Variants in NELL2 observed in about 807,000 individuals in gnomAD.
The protein encoded by NELL2 is protein kinase C-binding protein NELL2.
In NELL2, 41 loss-of-function variants were observed where a neutral mutation model predicts 109.6. The observed-to-expected ratio is 0.37, with a 90% CI of 0.29 to 0.49. The LOEUF (loss-of-function observed/expected upper bound fraction) is 0.49, where lower values mean the gene tolerates loss of function less well. Ranked by LOEUF, NELL2 falls within the 20% of genes least tolerant of loss-of-function variation. NELL2 has a pLI of 0.98. For missense variants in NELL2, 900 were observed against 1,008.3 expected (o/e 0.89, Z 1.45); for synonymous variants, 355 against 344.7 (o/e 1.03, Z -0.33).
At chr12:44,644,266 A>G (rs1286388886) in intron 13 of NELL2, among the ~76,000 whole-genome samples, 1 of 152,082 alleles carries the variant, frequency 6.6e-6, no homozygotes, top group Non-Finnish European at 1.5e-5. Flanking sequence ...GTAAGGTGCT[A>G]GCAGGACTGA....
intron 3 of NELL2, among the ~76,000 whole-genome samples, chr12:44,805,819 T>C (rs1208940284): frequency 2.6e-5 from 4 of 151,828 alleles, no homozygotes; most frequent in African/African-American, 9.7e-5. Flanking sequence ...ATTCCCTCAC[T>C]AGAGTAACAC....
At chr12:44,846,931 A>T (rs1944389181) in intron 2 of NELL2, among the ~76,000 whole-genome samples, 1 of 152,242 alleles carries the variant, frequency 6.6e-6, no homozygotes, top group Admixed American at 6.5e-5. Flanking sequence ...TTCATAAACA[A>T]TAATGTTCCG....
chr12:44,764,857 A>G (rs1258166520), intron 9 of NELL2, among the ~76,000 whole-genome samples: 1 of 151,254 alleles, frequency 6.6e-6, no homozygotes, highest in Non-Finnish European at 1.5e-5. Context: ...AGAGAGAGAG[A>G]GAAAAAAAAA....
At chr12:44,774,925 T>A in intron 8 of NELL2, 76 bp from the exon 9 acceptor site, 1 of 1,121,848 alleles carries the variant, frequency 8.9e-7, no homozygotes, top group Non-Finnish European at 1.3e-6. Context: ...ATTCATTCCT[T>A]AAATTTTAAA....
intron 9 of NELL2, among the ~76,000 whole-genome samples, chr12:44,735,261 T>C (rs1392831722): frequency 2.6e-5 from 4 of 152,192 alleles, no homozygotes; most frequent in African/African-American, 9.6e-5. Flanking sequence ...CCAGTTTTCA[T>C]CCTACAGTTT....
chr12:44,555,657 G>A (rs955773275), intron 15 of NELL2, among the ~76,000 whole-genome samples: 3 of 152,092 alleles, frequency 2.0e-5, no homozygotes, highest in African/African-American at 7.2e-5. Context: ...ATTAAAAGTT[G>A]CAGAGACCAG....
At chr12:44,669,124 G>C (rs1309565247) in intron 12 of NELL2, among the ~76,000 whole-genome samples, 1 of 152,186 alleles carries the variant, frequency 6.6e-6, no homozygotes, top group Non-Finnish European at 1.5e-5. Context: ...GGAACTCATA[G>C]ATACCAATGA....
At chr12:44,586,648 T>C (rs1052761092) in intron 15 of NELL2, among the ~76,000 whole-genome samples, 1 of 152,194 alleles carries the variant, frequency 6.6e-6, no homozygotes, top group Non-Finnish European at 1.5e-5. Context: ...ATTTCCTCTC[T>C]TATAAAACAG....
At chr12:44,775,676 A>G (rs910164038) in intron 8 of NELL2, among the ~76,000 whole-genome samples, 3 of 152,198 alleles carry the variant, frequency 2.0e-5, no homozygotes, top group Non-Finnish European at 2.9e-5. Context: ...TAGTTTCATG[A>G]AAATGCATTC....
intron 1 of NELL2, among the ~76,000 whole-genome samples, chr12:44,912,018 G>A (rs1265181442): frequency 1.3e-5 from 2 of 151,342 alleles, no homozygotes; most frequent in African/African-American, 4.8e-5. Context: ...AATAAATAAA[G>A]TGCCCCTGAG....
chr12:44,571,663 C>A (rs530364723), intron 15 of NELL2, among the ~76,000 whole-genome samples: 2 of 152,112 alleles, frequency 1.3e-5, no homozygotes, highest in African/African-American at 2.4e-5. Context: ...TTGGTAAATA[C>A]CTTTATTGAA....
At chr12:44,524,479 A>G (rs1460860388) in intron 16 of NELL2, among the ~76,000 whole-genome samples, 1 of 152,222 alleles carries the variant, frequency 6.6e-6, no homozygotes, top group African/African-American at 2.4e-5. Context: ...GATGGAGTGT[A>G]TAGCTTTTAA....
At chr12:44,813,817 G>T (rs1943252152) in intron 3 of NELL2, among the ~76,000 whole-genome samples, 1 of 151,998 alleles carries the variant, frequency 6.6e-6, no homozygotes, top group African/African-American at 2.4e-5. Flanking sequence ...ATTTTCAATT[G>T]AAATAAATAC....
chr12:44,538,513 C>A (rs1942395339), intron 15 of NELL2, among the ~76,000 whole-genome samples: 1 of 151,906 alleles, frequency 6.6e-6, no homozygotes. Flanking sequence ...GAAAGAATGT[C>A]TTTTTTTTCT....
chr12:44,767,577 C>A (rs117692889), intron 9 of NELL2, among the ~76,000 whole-genome samples: 3,073 of 152,284 alleles, frequency 0.02, 42 homozygotes, highest in Non-Finnish European at 0.032. Flanking sequence ...GCATTAATGG[C>A]TTCCTGCAAT....
intron 12 of NELL2, among the ~76,000 whole-genome samples, chr12:44,686,005 G>C (rs1286551654): frequency 6.6e-6 from 1 of 152,172 alleles, no homozygotes; most frequent in African/African-American, 2.4e-5. Flanking sequence ...ATATCCTGCA[G>C]AGTGTTTTCC....
At chr12:44,532,124 T>G (rs1942091099) in intron 16 of NELL2, among the ~76,000 whole-genome samples, 1 of 152,192 alleles carries the variant, frequency 6.6e-6, no homozygotes, top group South Asian at 2.1e-4. Context: ...TCTCTTACTT[T>G]GCCAGGCAAG....
chr12:44,678,270 G>T (rs1645503089), intron 12 of NELL2, among the ~76,000 whole-genome samples: 1 of 152,016 alleles, frequency 6.6e-6, no homozygotes, highest in South Asian at 2.1e-4. Flanking sequence ...TTCAAGAAAG[G>T]AAACTCAAAT....
chr12:44,874,336 C>T (rs1180958437), intron 2 of NELL2, among the ~76,000 whole-genome samples: 1 of 152,116 alleles, frequency 6.6e-6, no homozygotes, highest in African/African-American at 2.4e-5. Context: ...TCTCTTTTGC[C>T]TTCATGTATT....
Sources: allele counts gnomAD v4.1 joint callset (sites outside exome capture counted in the v4.1 genomes callset), GRCh38; gene constraint gnomAD v4.1.1; transcripts MANE v1.5; gene names NCBI Gene and HGNC (gene_info 2026-07-23, HGNC 2026-07-21).